MAGI1: variants seen among roughly 807,000 people sequenced by gnomAD.
The protein encoded by MAGI1 is membrane associated guanylate kinase, WW and PDZ domain containing 1.
In MAGI1, 58 loss-of-function variants were observed where a neutral mutation model predicts 139.9. The ratio of observed to expected loss-of-function variants is 0.41; its 90% CI spans 0.34 to 0.52. The LOEUF is 0.52. Among genes scored for constraint, MAGI1 ranks in the 20% least tolerant of loss-of-function variants. The probability of loss-of-function intolerance (pLI) is 0.12; values close to 1 mark genes in which losing one functional copy is unlikely to be tolerated. For missense variants in MAGI1, 1,874 were observed against 1,901.6 expected (o/e 0.99, Z 0.27); for synonymous variants, 812 against 737.9 (o/e 1.10, Z -1.63).
chr3:65,734,389 G>A (rs1190735548), intron 1 of MAGI1, among the ~76,000 whole-genome samples: 6 of 151,792 alleles, frequency 4.0e-5, no homozygotes, highest in African/African-American at 7.3e-5. Context: ...GAGCCCAGGA[G>A]GTCGAGGCAG....
At chr3:65,450,941 A>C (rs183886183) in intron 6 of MAGI1, among the ~76,000 whole-genome samples, 1 of 152,282 alleles carries the variant, frequency 6.6e-6, no homozygotes, top group East Asian at 1.9e-4. Context: ...GAAAATGCAA[A>C]CTGATACTTA....
intron 1 of MAGI1, among the ~76,000 whole-genome samples, chr3:65,691,755 G>C (rs907466663): frequency 6.6e-6 from 1 of 152,140 alleles, no homozygotes; most frequent in Non-Finnish European, 1.5e-5. Flanking sequence ...TATACTGTCA[G>C]CATTATAGTA....
chr3:65,817,941 G>C (rs189803431), intron 1 of MAGI1, among the ~76,000 whole-genome samples: 3 of 152,258 alleles, frequency 2.0e-5, no homozygotes, highest in Non-Finnish European at 4.4e-5. Flanking sequence ...CAATTCCAAA[G>C]CAAGAGACCA....
rs768835659 is a variant in MAGI1 at position 65,449,552 on chromosome 3, A to T, written c.1043-1495T>A. ...CACTTTGGGAGGCCAAAGTGGGTGGATCACCTGAGGTTGGGAGTTCGAGAC... is the reference window on the plus strand; with the variant it reads ...CACTTTGGGAGGCCAAAGTGGGTGGTTCACCTGAGGTTGGGAGTTCGAGAC... On this transcript the variant is annotated intron_variant, in intron 6 of 22. Transcript: ENST00000402939. 2.6e-5 allele frequency among the ~76,000 whole-genome samples: 4 copies of T among 152,200 alleles called. No individual in the cohort carries two copies. In the Middle Eastern group the frequency reaches 0.01, roughly 388 times the overall value.
At chr3:65,508,821 G>C (rs929114926) in intron 2 of MAGI1, among the ~76,000 whole-genome samples, 1 of 152,216 alleles carries the variant, frequency 6.6e-6, no homozygotes, top group African/African-American at 2.4e-5. Flanking sequence ...TTAAGTGAGT[G>C]TCATTATCAC....
chr3:65,778,728 C>T (rs2038684599), intron 1 of MAGI1, among the ~76,000 whole-genome samples: 1 of 152,182 alleles, frequency 6.6e-6, no homozygotes, highest in African/African-American at 2.4e-5. Context: ...ATTTGCCAAA[C>T]AGAAAAATAC....
At chr3:65,702,609 C>T (rs750089167) in intron 1 of MAGI1, among the ~76,000 whole-genome samples, 16 of 152,254 alleles carry the variant, frequency 1.1e-4, no homozygotes, top group Middle Eastern at 3.4e-3. Flanking sequence ...CTCTTCTACA[C>T]GCCTTTGCAT....
At chr3:65,992,158 C>T (rs1259530070) in intron 1 of MAGI1, among the ~76,000 whole-genome samples, 1 of 152,160 alleles carries the variant, frequency 6.6e-6, no homozygotes, top group East Asian at 1.9e-4. Flanking sequence ...ACCATAACAT[C>T]CTCAAGAAGT....
At chr3:65,471,618 C>A (rs1950564309) in intron 4 of MAGI1, among the ~76,000 whole-genome samples, 1 of 152,160 alleles carries the variant, frequency 6.6e-6, no homozygotes, top group South Asian at 2.1e-4. Context: ...CTCCTGCTAG[C>A]ACCACTCAGG....
At position 65,592,116 on chromosome 3, in the gene MAGI1, C is replaced by T. The variant is rs535622688; in HGVS notation, c.430+29856G>A. ...GATCATATATACCAGGCAGGCAGAA[C>T]ACAGTTCCTAGCACATAAAGATTGT... On this transcript the variant is annotated intron_variant, in intron 2 of 22. Coordinates refer to ENST00000402939, the MANE Select transcript of MAGI1 (RefSeq NM_001033057.2). Among the ~76,000 whole-genome samples, 39 of 152,314 alleles carry T rather than the reference C, an allele frequency of 2.6e-4. No homozygotes were observed. The Middle Eastern group carries it at 0.01, about 40-fold the overall frequency.
At chr3:65,460,430 T>G (rs929302296) in intron 5 of MAGI1, among the ~76,000 whole-genome samples, 7 of 152,186 alleles carry the variant, frequency 4.6e-5, no homozygotes, top group African/African-American at 1.7e-4. Flanking sequence ...AATAGTTCAA[T>G]ATTCCTTTTT....
chr3:65,442,846 A>G lies in MAGI1; in HGVS notation c.1082T>C (p.Leu361Pro), dbSNP rs755930868. The G allele has an allele frequency of 6.2e-7, 1 of 1,612,794 alleles. No individual in the cohort carries two copies. Among genetic ancestry groups the G allele is most frequent in the Non-Finnish European group, 8.5e-7 (1 of 1,179,150 alleles). The change falls in exon 8 of 23, where the codon CTG becomes CCG. Residue 361 changes from leucine to proline, a missense_variant. Around this residue, in one of 5 missense-constraint regions of MAGI1, gnomAD observed 648 missense variants for 598.1 expected, o/e 1.08. Transcript: ENST00000402939. ...HTEELDSELE[L>P]PAGWEKIEDP... ...TTCAATCTTTTCCCAACCAGCAGGC[A>G]GTTCTGAAAAATAAAAGAACATTTA...
intron 5 of MAGI1, among the ~76,000 whole-genome samples, chr3:65,457,567 T>C (rs1949485306): frequency 6.6e-6 from 1 of 152,188 alleles, no homozygotes; most frequent in African/African-American, 2.4e-5. Flanking sequence ...ACCTGTATTA[T>C]TTTTTTGAGC....
intron 1 of MAGI1, among the ~76,000 whole-genome samples, chr3:65,985,560 T>A (rs1305944525): frequency 6.6e-6 from 1 of 152,198 alleles, no homozygotes. Context: ...ATTTTTGAAA[T>A]AAGGACAGGA....
chr3:65,918,628 C>G (rs1314954381), intron 1 of MAGI1, among the ~76,000 whole-genome samples: 1 of 152,108 alleles, frequency 6.6e-6, no homozygotes, highest in Non-Finnish European at 1.5e-5. Flanking sequence ...ATCCGCCTGC[C>G]TTGGCCTCCC....
chr3:65,536,282 T>C (rs2078956099), intron 2 of MAGI1, among the ~76,000 whole-genome samples: 1 of 152,186 alleles, frequency 6.6e-6, no homozygotes, highest in Non-Finnish European at 1.5e-5. Context: ...TAGCATACTA[T>C]AGATTCCTAG....
chr3:65,681,786 C>T (rs1046303538), intron 1 of MAGI1, among the ~76,000 whole-genome samples: 7 of 152,264 alleles, frequency 4.6e-5, no homozygotes, highest in African/African-American at 1.7e-4. Context: ...ATTAGATGCC[C>T]AAGTGAGTAG....
At chr3:65,751,063 G>A (rs1166258720) in intron 1 of MAGI1, among the ~76,000 whole-genome samples, 1 of 152,206 alleles carries the variant, frequency 6.6e-6, no homozygotes, top group Non-Finnish European at 1.5e-5. Flanking sequence ...GGTTGACCCA[G>A]CTAATGTGTT....
At chr3:65,790,794 G>A (rs1292980558) in intron 1 of MAGI1, among the ~76,000 whole-genome samples, 1 of 152,228 alleles carries the variant, frequency 6.6e-6, no homozygotes, top group Non-Finnish European at 1.5e-5. Context: ...AGATTGTGCA[G>A]GCTGGCACGG....
Sources: gnomAD v4.1 joint callset for allele counts (sites outside exome capture counted in the v4.1 genomes callset) on GRCh38, gnomAD v4.1.1 for gene constraint, gnomAD v4.1.1 regional missense constraint, MANE v1.5 for transcripts, NCBI Gene and HGNC (gene_info 2026-07-23, HGNC 2026-07-21) for gene names.